Variants in PRKG1 observed in about 807,000 individuals in gnomAD.
PRKG1 encodes the protein cGMP-dependent protein kinase 1.
PRKG1 carries 35 observed loss-of-function variants against 88.1 expected under a neutral mutation model. The ratio of observed to expected loss-of-function variants is 0.40; its 90% CI spans 0.30 to 0.53. PRKG1 has a LOEUF of 0.53. Ranked by LOEUF, PRKG1 falls within the 20% of genes least tolerant of loss-of-function variation. PRKG1 has a pLI of 0.59. For synonymous variants in PRKG1, 303 were observed against 292.5 expected (o/e 1.04, Z -0.37); for missense variants, 540 against 839.8 (o/e 0.64, Z 4.41).
chr10:51,122,712 G>A (rs1845290550), intron 1 of PRKG1, among the ~76,000 whole-genome samples: 1 of 152,094 alleles, frequency 6.6e-6, no homozygotes, highest in Non-Finnish European at 1.5e-5. Context: ...TGGAACTCAG[G>A]TTATCACAAA....
intron 2 of PRKG1, among the ~76,000 whole-genome samples, chr10:51,368,829 G>C (rs774397713): frequency 1.3e-5 from 2 of 152,090 alleles, no homozygotes; most frequent in African/African-American, 2.4e-5. Flanking sequence ...CTTCATGGGA[G>C]CGTAGTGTCC....
At chr10:51,810,572 G>A (rs1332237188) in intron 4 of PRKG1, among the ~76,000 whole-genome samples, 1 of 152,038 alleles carries the variant, frequency 6.6e-6, no homozygotes, top group Non-Finnish European at 1.5e-5. Context: ...TCCATTACTA[G>A]GTAGTGAGCC....
At chr10:51,613,378 T>G (rs1173132802) in intron 3 of PRKG1, among the ~76,000 whole-genome samples, 3 of 151,948 alleles carry the variant, frequency 2.0e-5, no homozygotes. Flanking sequence ...TGCTTTTTCA[T>G]TTCTGATTTT....
At chr10:51,289,797 A>G (rs530687908) in intron 2 of PRKG1, among the ~76,000 whole-genome samples, 17 of 152,200 alleles carry the variant, frequency 1.1e-4, no homozygotes, top group Admixed American at 9.8e-4. Flanking sequence ...ATTCACACAG[A>G]CAACCCAACA....
intron 3 of PRKG1, among the ~76,000 whole-genome samples, chr10:51,740,295 C>T (rs1466785264): frequency 6.6e-6 from 1 of 152,180 alleles, no homozygotes; most frequent in Non-Finnish European, 1.5e-5. Context: ...TCCCAAAGTG[C>T]TGGGATGACA....
At chr10:51,030,880 A>G (rs530981762) in intron 1 of PRKG1, among the ~76,000 whole-genome samples, 2 of 152,294 alleles carry the variant, frequency 1.3e-5, no homozygotes, top group African/African-American at 4.8e-5. Context: ...TCAGCCATTT[A>G]AACCTCTTTT....
chr10:51,944,504 A>G (rs908541869), intron 5 of PRKG1, among the ~76,000 whole-genome samples: 2 of 151,860 alleles, frequency 1.3e-5, no homozygotes, highest in African/African-American at 4.9e-5. Context: ...TAGCTTTTGA[A>G]TGTGTTTGCT....
rs117196914 is a variant in PRKG1, at chr10:51,085,792, A to G, written c.311+10891A>G. 6.5e-3 allele frequency among the ~76,000 whole-genome samples: 988 copies of G among 152,310 alleles called. 1 individual carries two copies. Among genetic ancestry groups the G allele is most frequent in the Middle Eastern group, 0.02 (6 of 294 alleles). ...AGTTATTCATTTAATACCTAGCTTT[A>G]TAAAAATGTAATGTGAACTCCATCA... On this transcript the variant is annotated intron_variant, in intron 1 of 17. Coordinates refer to ENST00000373980, the MANE Select transcript of PRKG1 (RefSeq NM_006258.4).
At chr10:51,860,565 C>T (rs1840847685) in intron 4 of PRKG1, among the ~76,000 whole-genome samples, 1 of 152,194 alleles carries the variant, frequency 6.6e-6, no homozygotes, top group African/African-American at 2.4e-5. Flanking sequence ...AAAGTCTGCA[C>T]TACTTGGTGA....
intron 2 of PRKG1, among the ~76,000 whole-genome samples, chr10:51,403,492 T>A (rs1269269710): frequency 1.3e-5 from 2 of 152,186 alleles, no homozygotes; most frequent in Non-Finnish European, 2.9e-5. Flanking sequence ...CTGTGCAAGA[T>A]ACTGTTTGAC....
chr10:52,287,104 G>A (rs1231138027), intron 14 of PRKG1, among the ~76,000 whole-genome samples: 1 of 151,690 alleles, frequency 6.6e-6, no homozygotes, highest in Non-Finnish European at 1.5e-5. Context: ...AAATATAAAA[G>A]CAAAATAAAT....
At chr10:52,280,552 C>T (rs1033597980) in intron 12 of PRKG1, among the ~76,000 whole-genome samples, 3 of 151,878 alleles carry the variant, frequency 2.0e-5, no homozygotes, top group South Asian at 2.1e-4. Flanking sequence ...TTCTTTCAGC[C>T]CTTTCAGTAA....
chr10:51,687,541 G>A (rs1841025202), intron 3 of PRKG1, among the ~76,000 whole-genome samples: 1 of 152,118 alleles, frequency 6.6e-6, no homozygotes, highest in South Asian at 2.1e-4. Flanking sequence ...GGGTTATAGG[G>A]AAAGACATTT....
At chr10:51,249,527 A>C (rs1051046236) in intron 2 of PRKG1, among the ~76,000 whole-genome samples, 3 of 151,890 alleles carry the variant, frequency 2.0e-5, no homozygotes, top group Admixed American at 1.3e-4. Flanking sequence ...ATATATTCTA[A>C]TCAGACATAT....
chr10:51,257,733 G>A (rs1839601989), intron 2 of PRKG1, among the ~76,000 whole-genome samples: 1 of 151,914 alleles, frequency 6.6e-6, no homozygotes, highest in African/African-American at 2.4e-5. Flanking sequence ...CCAGGATTCA[G>A]TCTGCCAGGA....
chr10:51,942,822 T>C (rs1254666768), intron 5 of PRKG1, among the ~76,000 whole-genome samples: 1 of 151,188 alleles, frequency 6.6e-6, no homozygotes, highest in African/African-American at 2.5e-5. Context: ...ATCTCTGTTT[T>C]GGTACCAGTA....
At chr10:52,132,608 T>C (rs1837296103) in intron 7 of PRKG1, among the ~76,000 whole-genome samples, 1 of 152,100 alleles carries the variant, frequency 6.6e-6, no homozygotes, top group African/African-American at 2.4e-5. Context: ...GAGCCTGTTA[T>C]TAGAGATGTG....
Position 51,807,849 on chromosome 10 carries a change from A to G in PRKG1, c.698+3159A>G, listed in dbSNP as rs182815367. Reference sequence around the variant, plus strand: ...GTCTCTATGACTTGCTTTGGGGAAAAGGAATTCTAGTTTCTATGGCTTGCC... The same window carrying G: ...GTCTCTATGACTTGCTTTGGGGAAAGGGAATTCTAGTTTCTATGGCTTGCC... On this transcript the variant is annotated intron_variant, in intron 4 of 17. Coordinates refer to ENST00000373980, the MANE Select transcript of PRKG1 (RefSeq NM_006258.4). Among the ~76,000 whole-genome samples, 106 of 152,226 alleles carry G rather than the reference A, an allele frequency of 7.0e-4. 1 individual carries two copies. The highest frequency in any genetic ancestry group is 4.6e-3 in the South Asian group (22 of 4,824).
intron 2 of PRKG1, among the ~76,000 whole-genome samples, chr10:51,456,236 C>T (rs1161859119): frequency 6.6e-6 from 1 of 151,922 alleles, no homozygotes; most frequent in Non-Finnish European, 1.5e-5. Flanking sequence ...GGGGAAACCG[C>T]CCCCCATGAT....
Sources: gnomAD v4.1 joint callset for allele counts (sites outside exome capture counted in the v4.1 genomes callset) on GRCh38, gnomAD v4.1.1 for gene constraint, MANE v1.5 for transcripts, NCBI Gene and HGNC (gene_info 2026-07-23, HGNC 2026-07-21) for gene names.